The following CFAP298 variants were observed in gnomAD, a reference collection of about 807,000 sequenced individuals.
CFAP298 encodes cilia- and flagella-associated protein 298.
A neutral mutation model predicts 41.0 loss-of-function variants in CFAP298; 38 were observed. The observed-to-expected ratio is 0.93, with a 90% CI of 0.72 to 1.22. CFAP298 has a LOEUF of 1.22. CFAP298 is among the 50% of genes most tolerant of loss of function. CFAP298 has a pLI of 0.00. For missense variants in CFAP298, 348 were observed against 360.3 expected (o/e 0.97, Z 0.28); for synonymous variants, 137 against 135.3 (o/e 1.01, Z -0.09).
chr21:32,607,876 G>A (rs1045784174), intron 2 of CFAP298, among the ~76,000 whole-genome samples, 160 bp from the exon 3 acceptor site: 5 of 152,220 alleles, frequency 3.3e-5, no homozygotes, highest in Non-Finnish European at 7.3e-5. Context: ...GCTGCCGGAA[G>A]TTAGGTGAAG....
chr21:32,609,338 T>C (rs567737195), intron 2 of CFAP298, among the ~76,000 whole-genome samples: 3 of 152,340 alleles, frequency 2.0e-5, no homozygotes, highest in South Asian at 4.1e-4. Flanking sequence ...CGAATACATA[T>C]AAAAGCAAGC....
chr21:32,612,109 G>A lies in CFAP298; in HGVS notation c.135C>T (p.Cys45=). The A allele has an allele frequency of 1.9e-6, 3 of 1,552,842 alleles. No homozygotes were observed. The highest frequency in any genetic ancestry group is 2.4e-5 in the East Asian group (1 of 41,210). The change falls in exon 1 of 7, where the codon TGC becomes TGT. Residue 45 remains cysteine (C), a synonymous_variant. Coordinates refer to ENST00000290155, the MANE Select transcript of CFAP298 (RefSeq NM_021254.4). Reference sequence around the variant, plus strand: ...GGGCCCACCCGCGAGCCGCACCTGAGCAGAGGCGCTGCACCTTGAGCCGCC... The same window carrying A: ...GGGCCCACCCGCGAGCCGCACCTGAACAGAGGCGCTGCACCTTGAGCCGCC... ...YNGRLKVQRL[C]SEMEELAEHG...
In CFAP298 at chr21:32,600,570, G is replaced by A. The variant is rs1481687605; in HGVS notation, c.*1293C>T. Among the ~76,000 whole-genome samples the A allele has an allele frequency of 1.5e-5, 2 of 130,850 alleles. No individual in the cohort carries two copies. The highest frequency in any genetic ancestry group is 2.6e-4 in the South Asian group (1 of 3,916). 85.8% of individuals were successfully genotyped at this position (130,850 alleles called of 152,430 possible). ...ACCCTAGGCACCAAAAGTCAAGCAT[G>A]AGGGACTGCCACAGGCAGTCTGGCA... On this transcript the variant is annotated 3_prime_UTR_variant, in exon 7 of 7. Coordinates refer to ENST00000290155, the MANE Select transcript of CFAP298 (RefSeq NM_021254.4).
chr21:32,600,355 CT>C lies in CFAP298; in HGVS notation c.*1507del, dbSNP rs2038714987. ...TGCTCTCAGGTCTGGGACCCACCCC[CT>C]GGGCAAGGCCGCCTGGCAGCAGGCA... On this transcript the variant is annotated 3_prime_UTR_variant, in exon 7 of 7. Coordinates refer to ENST00000290155, the MANE Select transcript of CFAP298 (RefSeq NM_021254.4). Among the ~76,000 whole-genome samples, 1 of 152,272 alleles carries C rather than the reference CT, an allele frequency of 6.6e-6. No individual in the cohort carries two copies. The highest frequency in any genetic ancestry group is 2.4e-5 in the African/African-American group (1 of 41,474).
chr21:32,611,377 TTATA>T (rs973672562), intron 1 of CFAP298, among the ~76,000 whole-genome samples: 57 of 142,980 alleles, frequency 4.0e-4, no homozygotes, highest in Middle Eastern at 7.5e-3. Flanking sequence ...TATAATTTAT[TTATA>T]TTCATATATA....
chr21:32,610,995 C>T (rs1395551948), intron 1 of CFAP298, among the ~76,000 whole-genome samples: 1 of 151,914 alleles, frequency 6.6e-6, no homozygotes, highest in Non-Finnish European at 1.5e-5. Context: ...CTCCACTTGG[C>T]GATTTAAATT....
intron 3 of CFAP298, among the ~76,000 whole-genome samples, chr21:32,605,515 G>C (rs1394569095): frequency 6.6e-6 from 1 of 152,216 alleles, no homozygotes; most frequent in Non-Finnish European, 1.5e-5. Context: ...TAGAGGTTGG[G>C]ATCAAACACG....
Position 32,603,312 on chromosome 21 carries a change from T to G in CFAP298, c.535-20A>C. On this transcript the variant is annotated intron_variant, in intron 4 of 6. Transcript: ENST00000290155. The stretch of plus-strand genomic sequence containing the variant: ...CCCTGCCTGGGGCCAGTCGTAAGAA[T>G]GGCTTGACTGTGTGTTCCCACCCAG... The G allele has an allele frequency of 6.2e-7, 1 of 1,613,450 alleles. No individual in the cohort carries two copies. The highest frequency in any genetic ancestry group is 8.5e-7 in the Non-Finnish European group (1 of 1,179,748).
Position 32,609,371 on chromosome 21 carries a change from CA to C in CFAP298, c.307+466del, listed in dbSNP as rs549081577. Among the ~76,000 whole-genome samples, 9 of 152,308 alleles carry C rather than the reference CA, an allele frequency of 5.9e-5. No homozygotes were observed. In the South Asian group the frequency reaches 1.9e-3, roughly 32 times the overall value. On this transcript the variant is annotated intron_variant, in intron 2 of 6. Transcript: ENST00000290155. ...AGCTGCAACTTATTAAAGAGCAAGA[CA>C]AAAGCTTCCTTTATCTACCTAATTC...
rs2038756123 is a variant in CFAP298, at chr21:32,602,159, A to G, written c.762+113T>C. The G allele has an allele frequency of 4.6e-6, 5 of 1,087,794 alleles. 1 individual carries two copies. Among genetic ancestry groups the G allele is most frequent in the South Asian group, 4.0e-5 (3 of 74,908 alleles). The allele number at this position is 1,087,794 out of a possible 1,614,324, so 67.4% of individuals were successfully genotyped here. ...CAGACCTGCAGACAGAAGCTCTAGA[A>G]AGACCCCTCCCCGGCATTCTGCAGA... On this transcript the variant is annotated intron_variant, in intron 6 of 6. Transcript: ENST00000290155.
chr21:32,602,918 AT>A, intron 5 of CFAP298: 1 of 1,185,752 alleles, frequency 8.4e-7, no homozygotes, highest in Non-Finnish European at 1.1e-6. Flanking sequence ...TACGCTTGAA[AT>A]TAACATAGTA....
chr21:32,611,368 ATAATT>A (rs2038994946), intron 1 of CFAP298, among the ~76,000 whole-genome samples: 1 of 145,080 alleles, frequency 6.9e-6, no homozygotes, highest in Non-Finnish European at 1.5e-5. Context: ...ATACATATAT[ATAATT>A]TATTTATATT....
chr21:32,606,706 A>G (rs1305742617), intron 3 of CFAP298, among the ~76,000 whole-genome samples: 2 of 152,222 alleles, frequency 1.3e-5, no homozygotes, highest in Non-Finnish European at 2.9e-5. Context: ...AGTTCTGCTG[A>G]GCAAACCAGG....
In CFAP298 at chr21:32,601,045, A is replaced by G. The variant is rs547766087; in HGVS notation, c.*818T>C. Among the ~76,000 whole-genome samples, 2 of 151,612 alleles carry G rather than the reference A, an allele frequency of 1.3e-5. No homozygotes were observed. The highest frequency in any genetic ancestry group is 4.2e-4 in the South Asian group (2 of 4,810). On this transcript the variant is annotated 3_prime_UTR_variant, in exon 7 of 7. Transcript: ENST00000290155. ...CCCCGCAGCAGGGTTAAAGAAGGCTACAGTTAGACCCCGCAGCAGGGTTAA... is the reference window on the plus strand; with the variant it reads ...CCCCGCAGCAGGGTTAAAGAAGGCTGCAGTTAGACCCCGCAGCAGGGTTAA...
intron 1 of CFAP298, 132 bp from the exon 2 acceptor site, chr21:32,610,137 C>T: frequency 1.3e-6 from 1 of 786,086 alleles, no homozygotes; most frequent in Non-Finnish European, 2.0e-6. Flanking sequence ...ATGCCACTTG[C>T]TATGTGCCAG....
chr21:32,610,426 A>C (rs1016731973), intron 1 of CFAP298, among the ~76,000 whole-genome samples: 2 of 152,120 alleles, frequency 1.3e-5, no homozygotes, highest in African/African-American at 4.8e-5. Flanking sequence ...GCTAGTCTAG[A>C]ACTCCTAGGC....
chr21:32,606,958 A>G (rs2038878889), intron 3 of CFAP298, among the ~76,000 whole-genome samples: 1 of 152,234 alleles, frequency 6.6e-6, no homozygotes, highest in Non-Finnish European at 1.5e-5. Context: ...ATTTATATCA[A>G]ATACATATTA....
intron 2 of CFAP298, among the ~76,000 whole-genome samples, chr21:32,609,163 TC>T (rs1290462835): frequency 6.6e-6 from 1 of 152,142 alleles, no homozygotes; most frequent in Non-Finnish European, 1.5e-5. Context: ...TTTCACACAG[TC>T]CATCTCGAAA....
intron 3 of CFAP298, among the ~76,000 whole-genome samples, chr21:32,605,371 T>C (rs2038844997): frequency 6.6e-6 from 1 of 152,210 alleles, no homozygotes; most frequent in South Asian, 2.1e-4. Context: ...TCACCATACC[T>C]GAGCTTGTGC....
Sources: gnomAD v4.1 joint callset for allele counts (sites outside exome capture counted in the v4.1 genomes callset) on GRCh38, gnomAD v4.1.1 for gene constraint, MANE v1.5 for transcripts, NCBI Gene and HGNC (gene_info 2026-07-23, HGNC 2026-07-21) for gene names.